Variants in KDM4C observed in about 807,000 individuals in gnomAD.
KDM4C encodes lysine-specific demethylase 4C.
A neutral mutation model predicts 129.3 loss-of-function variants in KDM4C; 81 were observed. That is an observed-to-expected ratio of 0.63 (90% CI 0.52 to 0.75). The LOEUF (loss-of-function observed/expected upper bound fraction) is 0.75. Among genes scored for constraint, KDM4C ranks in the 30% least tolerant of loss-of-function variants. KDM4C has a pLI of 0.00. For synonymous variants in KDM4C, 573 were observed against 456.1 expected (o/e 1.26, Z -3.26); for missense variants, 1,457 against 1,304.0 (o/e 1.12, Z -1.81).
intron 17 of KDM4C, among the ~76,000 whole-genome samples, chr9:7,062,370 G>A (rs566155360): frequency 2.0e-5 from 3 of 151,626 alleles, no homozygotes; most frequent in African/African-American, 7.3e-5. Flanking sequence ...TCTTTACTTT[G>A]TGTTTTCTTT....
In KDM4C at chr9:6,984,304, A is replaced by G; in HGVS notation, c.1254A>G (p.Ala418=). The G allele has an allele frequency of 6.2e-7, 1 of 1,614,116 alleles. No homozygotes were observed. The highest frequency in any genetic ancestry group is 8.5e-7 in the Non-Finnish European group (1 of 1,179,960). ...DDLKVSEKSE[A]AVKLRNTEAS... is the part of the protein sequence containing the mutation. Reference sequence around the variant, plus strand: ...TCAAGGTCAGTGAAAAGTCAGAAGCAGCAGTGAAGCTGAGGAACACAGAAG... The same window carrying G: ...TCAAGGTCAGTGAAAAGTCAGAAGCGGCAGTGAAGCTGAGGAACACAGAAG... Residue 418 remains alanine, a synonymous_variant, in exon 10 of 22, where the codon GCA becomes GCG. Coordinates refer to ENST00000381309, the MANE Select transcript of KDM4C (RefSeq NM_015061.6).
In KDM4C at chr9:6,750,460, C is replaced by T. The variant is rs376528400; in HGVS notation, c.49+29463C>T. Among the ~76,000 whole-genome samples the T allele has an allele frequency of 7.4e-4, 111 of 150,334 alleles. 3 individuals carry two copies. The South Asian group carries it at 0.021, about 29-fold the overall frequency. On this transcript the variant is annotated intron_variant, in intron 1 of 17. Transcript: ENST00000536108. ...TCTCAAAAAAAAAAAAAAAGCTCTT[C>T]ACGAGGCAAAAGCACTTGAAGCGAA...
intron 5 of KDM4C, among the ~76,000 whole-genome samples, chr9:6,878,732 G>A (rs562059505): frequency 6.6e-6 from 1 of 151,784 alleles, no homozygotes; most frequent in South Asian, 2.1e-4. Flanking sequence ...TTACATGTAT[G>A]TGTGTGTGTG....
intron 4 of KDM4C, among the ~76,000 whole-genome samples, chr9:6,816,294 G>A (rs539836692): frequency 6.6e-6 from 1 of 152,072 alleles, no homozygotes; most frequent in Non-Finnish European, 1.5e-5. Context: ...CATAAACCTA[G>A]AGCTTTATGA....
intron 12 of KDM4C, among the ~76,000 whole-genome samples, chr9:7,006,620 A>T (rs1470762631): frequency 6.6e-6 from 1 of 152,104 alleles, no homozygotes; most frequent in African/African-American, 2.4e-5. Context: ...ACCTATAGGT[A>T]ATTGTACAAG....
chr9:6,757,753 C>T (rs921274457), upstream of KDM4C: 1 of 985,548 alleles, frequency 1.0e-6, no homozygotes, highest in African/African-American at 1.7e-5. Flanking sequence ...CACCTGTTTT[C>T]TCCTTCTACG....
At chr9:7,028,053 CCCCA>C (rs1295755342) in intron 15 of KDM4C, among the ~76,000 whole-genome samples, 2 of 152,160 alleles carry the variant, frequency 1.3e-5, no homozygotes, top group African/African-American at 4.8e-5. Flanking sequence ...GAATTGAGGA[CCCCA>C]AGATCCTGCT....
chr9:6,798,433 T>C (rs1392779179), intron 2 of KDM4C, among the ~76,000 whole-genome samples: 6 of 152,042 alleles, frequency 3.9e-5, no homozygotes, highest in Non-Finnish European at 7.4e-5. Context: ...TATGGAGTGG[T>C]GATGACTCTT....
chr9:6,855,958 C>T (rs1395804556), intron 5 of KDM4C, among the ~76,000 whole-genome samples: 1 of 152,082 alleles, frequency 6.6e-6, no homozygotes, highest in Non-Finnish European at 1.5e-5. Flanking sequence ...CCAGGCTGGC[C>T]ATGAACTCCT....
chr9:6,806,677 G>A (rs1830034899), intron 3 of KDM4C, among the ~76,000 whole-genome samples: 1 of 152,024 alleles, frequency 6.6e-6, no homozygotes, highest in Admixed American at 6.6e-5. Context: ...ATTGTGGCTG[G>A]AAGATTCTCT....
At chr9:7,170,276 G>A (rs1219903478) in intron 21 of KDM4C, 3 of 1,074,470 alleles carry the variant, frequency 2.8e-6, no homozygotes, top group Non-Finnish European at 3.4e-6. Flanking sequence ...AGGGGACTCG[G>A]CATAATTGAA....
At chr9:7,088,607 C>T (rs1305908198) in intron 17 of KDM4C, among the ~76,000 whole-genome samples, 5 of 152,156 alleles carry the variant, frequency 3.3e-5, no homozygotes, top group Admixed American at 6.5e-5. Context: ...AATATGCAAT[C>T]GTCTGAAAGG....
At chr9:6,775,354 A>G (rs1288315673) in intron 1 of KDM4C, among the ~76,000 whole-genome samples, 1 of 151,466 alleles carries the variant, frequency 6.6e-6, no homozygotes, top group Non-Finnish European at 1.5e-5. Flanking sequence ...TGATTTGTTA[A>G]TTTTCACTGC....
chr9:6,734,980 C>T (rs1225378285), intron 1 of KDM4C: 2 of 567,494 alleles, frequency 3.5e-6, no homozygotes, highest in Non-Finnish European at 7.0e-6. Flanking sequence ...ACTCCAACCA[C>T]ACTCAAGTTG....
rs375833196 is a variant in KDM4C at position 6,930,229 on chromosome 9, G to C, written c.921+36997G>C. Among the ~76,000 whole-genome samples, 6 of 152,230 alleles carry C rather than the reference G, an allele frequency of 3.9e-5. No individual in the cohort carries two copies. The East Asian group carries it at 7.7e-4, about 20-fold the overall frequency. On this transcript the variant is annotated intron_variant, in intron 8 of 21. Coordinates refer to ENST00000381309, the MANE Select transcript of KDM4C (RefSeq NM_015061.6). ...TGGGAACTACTCCAGGGTGGCCACA[G>C]GTAGGTTTTTTGGATATGTATGTTG...
chr9:6,863,848 A>G (rs1255364309), intron 5 of KDM4C, among the ~76,000 whole-genome samples: 1 of 151,446 alleles, frequency 6.6e-6, no homozygotes. Context: ...GGCTCTTTTT[A>G]ACAGCCAGCT....
chr9:6,775,611 C>G (rs1413752956), intron 1 of KDM4C, among the ~76,000 whole-genome samples: 6 of 151,914 alleles, frequency 3.9e-5, no homozygotes, highest in African/African-American at 1.5e-4. Flanking sequence ...CAACCTCCAC[C>G]ACGCAGGTTC....
chr9:7,060,574 C>T (rs1240478669), intron 17 of KDM4C, among the ~76,000 whole-genome samples: 2 of 151,538 alleles, frequency 1.3e-5, no homozygotes, highest in African/African-American at 2.4e-5. Flanking sequence ...CTCCGCGTCC[C>T]GGGTTCAAGT....
At chr9:6,994,004 A>G (rs759124447) in intron 12 of KDM4C, among the ~76,000 whole-genome samples, 26 of 152,014 alleles carry the variant, frequency 1.7e-4, no homozygotes, top group Non-Finnish European at 3.1e-4. Flanking sequence ...GTTTTGTAGA[A>G]GACAGTTTTT....
Sources: allele counts gnomAD v4.1 joint callset (sites outside exome capture counted in the v4.1 genomes callset), GRCh38; gene constraint gnomAD v4.1.1; transcripts MANE v1.5; gene names NCBI Gene and HGNC (gene_info 2026-07-23, HGNC 2026-07-21).